The following ARHGAP15 variants were observed in gnomAD, a reference collection of about 807,000 sequenced individuals.
ARHGAP15 encodes the protein Rho GTPase activating protein 15, also known as rho GTPase-activating protein 15.
ARHGAP15 carries 51 observed loss-of-function variants against 63.7 expected under a neutral mutation model. That is an observed-to-expected ratio of 0.80 (90% CI 0.64 to 1.01). The LOEUF (loss-of-function observed/expected upper bound fraction) is 1.01, where lower values mean the gene tolerates loss of function less well. Among genes scored for constraint, ARHGAP15 ranks in the 50% least tolerant of loss-of-function variants. The pLI, the probability that ARHGAP15 is intolerant of heterozygous loss-of-function variation, is 0.00. For missense variants in ARHGAP15, 560 were observed against 564.6 expected (o/e 0.99, Z 0.08); for synonymous variants, 191 against 193.8 (o/e 0.99, Z 0.12).
chr2:143,657,367 A>G (rs1378857705), intron 12 of ARHGAP15, among the ~76,000 whole-genome samples: 1 of 152,110 alleles, frequency 6.6e-6, no homozygotes, highest in African/African-American at 2.4e-5. Context: ...AACAAAACAA[A>G]AACTGTTTCT....
intron 6 of ARHGAP15, among the ~76,000 whole-genome samples, chr2:143,346,192 ACTCTCT>A (rs1201623811): frequency 2.8e-5 from 4 of 145,226 alleles, no homozygotes; most frequent in African/African-American, 1.0e-4. Flanking sequence ...TCACACACAC[ACTCTCT>A]CTCTCACACA....
chr2:143,653,525 G>A (rs1004783994), intron 12 of ARHGAP15, among the ~76,000 whole-genome samples: 1 of 152,032 alleles, frequency 6.6e-6, no homozygotes, highest in Non-Finnish European at 1.5e-5. Context: ...GCATAAATTT[G>A]TTCATAATAT....
At chr2:143,400,605 A>G (rs1231909256) in intron 6 of ARHGAP15, among the ~76,000 whole-genome samples, 1 of 152,000 alleles carries the variant, frequency 6.6e-6, no homozygotes, top group East Asian at 1.9e-4. Context: ...AAATGGACCT[A>G]TACTAGATAT....
Position 143,606,127 on chromosome 2 carries a change from A to G in ARHGAP15, c.1004-18006A>G, listed in dbSNP as rs182362630. Among the ~76,000 whole-genome samples, 212 of 147,132 alleles carry G rather than the reference A, an allele frequency of 1.4e-3. 1 individual carries two copies. Among genetic ancestry groups the G allele is most frequent in the African/African-American group, 5.2e-3 (210 of 40,006 alleles). ...TTTGAAGTTGAAATGATTTTATACT[A>G]CTTTTATCCTTGGATGCTTTCTTCA... On this transcript the variant is annotated intron_variant, in intron 11 of 13. Coordinates refer to ENST00000295095, the MANE Select transcript of ARHGAP15 (RefSeq NM_018460.4).
intron 6 of ARHGAP15, among the ~76,000 whole-genome samples, chr2:143,267,721 A>C (rs566459441): frequency 5.2e-4 from 79 of 152,334 alleles, no homozygotes; most frequent in African/African-American, 1.8e-3. Context: ...CCATTTTTAA[A>C]GATATAAAGT....
intron 13 of ARHGAP15, among the ~76,000 whole-genome samples, chr2:143,736,903 C>T: frequency 6.6e-6 from 1 of 152,336 alleles, no homozygotes; most frequent in South Asian, 2.1e-4. Flanking sequence ...TCTATCCCTA[C>T]CCTCAGAGAA....
chr2:143,439,539 A>AG (rs1449636728), intron 8 of ARHGAP15, among the ~76,000 whole-genome samples: 6 of 150,974 alleles, frequency 4.0e-5, no homozygotes, highest in Non-Finnish European at 8.9e-5. Flanking sequence ...AAGTTAAAAA[A>AG]AAACTAGAAA....
intron 12 of ARHGAP15, among the ~76,000 whole-genome samples, chr2:143,667,048 G>A (rs1682240745): frequency 6.7e-6 from 1 of 150,006 alleles, no homozygotes; most frequent in Non-Finnish European, 1.5e-5. Flanking sequence ...AATACCATTT[G>A]ACCCAGCCAT....
At chr2:143,626,204 G>A (rs1698830080) in intron 12 of ARHGAP15, among the ~76,000 whole-genome samples, 1 of 152,198 alleles carries the variant, frequency 6.6e-6, no homozygotes, top group African/African-American at 2.4e-5. Context: ...GTTATGGCGA[G>A]AATGAATAAG....
chr2:143,241,680 A>G (rs1423572437), intron 5 of ARHGAP15, among the ~76,000 whole-genome samples: 1 of 152,234 alleles, frequency 6.6e-6, no homozygotes, highest in Non-Finnish European at 1.5e-5. Flanking sequence ...GCACTTGAAG[A>G]GGGAGCACAA....
At chr2:143,645,214 TTAAAG>T (rs1680812103) in intron 12 of ARHGAP15, among the ~76,000 whole-genome samples, 1 of 152,162 alleles carries the variant, frequency 6.6e-6, no homozygotes, top group East Asian at 1.9e-4. Flanking sequence ...AGTAAAATCT[TTAAAG>T]TAAATGAAAC....
chr2:143,198,607 C>T (rs193234303), intron 2 of ARHGAP15, among the ~76,000 whole-genome samples: 10 of 152,074 alleles, frequency 6.6e-5, no homozygotes, highest in Admixed American at 2.0e-4. Context: ...CTCTTATGCT[C>T]CTAATAATAT....
intron 11 of ARHGAP15, among the ~76,000 whole-genome samples, chr2:143,617,021 A>T (rs1698478138): frequency 6.6e-6 from 1 of 152,192 alleles, no homozygotes. Flanking sequence ...TGAAAACGGC[A>T]ATCATGATTT....
chr2:143,179,072 C>G (rs76643377), intron 2 of ARHGAP15, among the ~76,000 whole-genome samples: 2 of 152,180 alleles, frequency 1.3e-5, no homozygotes, highest in Non-Finnish European at 2.9e-5. Context: ...AATTAACACC[C>G]TTCTCTAGTG....
intron 6 of ARHGAP15, among the ~76,000 whole-genome samples, chr2:143,424,161 G>C (rs142330583): frequency 1.4e-4 from 21 of 152,122 alleles, no homozygotes; most frequent in African/African-American, 4.8e-4. Flanking sequence ...TATCTCCAGG[G>C]TCTGATTCTT....
At chr2:143,546,979 C>T (rs1248781223) in intron 10 of ARHGAP15, among the ~76,000 whole-genome samples, 2 of 152,048 alleles carry the variant, frequency 1.3e-5, no homozygotes, top group Non-Finnish European at 2.9e-5. Flanking sequence ...CCTTGTTTCC[C>T]AATCTCCAGA....
chr2:143,479,282 G>A (rs2105209213), intron 8 of ARHGAP15, among the ~76,000 whole-genome samples: 1 of 151,294 alleles, frequency 6.6e-6, no homozygotes, highest in East Asian at 1.9e-4. Context: ...TAATTTCGTA[G>A]AAGGCAGAGG....
chr2:143,294,494 A>T (rs1277809863), intron 6 of ARHGAP15, among the ~76,000 whole-genome samples: 1 of 152,088 alleles, frequency 6.6e-6, no homozygotes, highest in South Asian at 2.1e-4. Flanking sequence ...TCCTGCAGCC[A>T]TTAAACCAGG....
At chr2:143,580,556 C>T (rs1483831793) in intron 11 of ARHGAP15, among the ~76,000 whole-genome samples, 3 of 152,126 alleles carry the variant, frequency 2.0e-5, no homozygotes, top group African/African-American at 7.2e-5. Flanking sequence ...CAAAACTCCA[C>T]TGAGGTTCCA....
Sources: allele counts gnomAD v4.1 joint callset (sites outside exome capture counted in the v4.1 genomes callset), GRCh38; gene constraint gnomAD v4.1.1; transcripts MANE v1.5; gene names NCBI Gene and HGNC (gene_info 2026-07-23, HGNC 2026-07-21).